The following KIAA1217 variants were observed in gnomAD, a reference collection of about 807,000 sequenced individuals.
KIAA1217 encodes sickle tail protein homolog.
A neutral mutation model predicts 163.9 loss-of-function variants in KIAA1217; 88 were observed. The observed-to-expected ratio is 0.54, with a 90% CI of 0.45 to 0.64. The LOEUF (loss-of-function observed/expected upper bound fraction) is 0.64, where lower values mean the gene tolerates loss of function less well. Among genes scored for constraint, KIAA1217 ranks in the 30% least tolerant of loss-of-function variants. KIAA1217 has a pLI of 0.00. For missense variants in KIAA1217, 2,372 were observed against 2,475.0 expected, an observed-to-expected ratio of 0.96 and a Z score of 0.88; for synonymous variants, 903 against 923.1, an observed-to-expected ratio of 0.98 and a Z score of 0.39.
chr10:24,395,838 C>T (rs1171042578), intron 3 of KIAA1217, among the ~76,000 whole-genome samples: 2 of 151,904 alleles, frequency 1.3e-5, no homozygotes, highest in Non-Finnish European at 2.9e-5. Flanking sequence ...TTACACTTGG[C>T]TATTTTGTTG....
intron 2 of KIAA1217, among the ~76,000 whole-genome samples, chr10:24,323,019 T>C (rs1262150491): frequency 1.3e-5 from 2 of 152,252 alleles, no homozygotes; most frequent in East Asian, 1.9e-4. Flanking sequence ...GCCACACTCG[T>C]AGCTCACTAC....
intron 2 of KIAA1217, among the ~76,000 whole-genome samples, chr10:24,120,037 C>T (rs1280647313): frequency 1.3e-5 from 2 of 152,186 alleles, no homozygotes; most frequent in Admixed American, 6.5e-5. Context: ...CTGTCTGCCT[C>T]GACCTCCAAG....
At chr10:24,404,329 G>A (rs1253945153) in intron 3 of KIAA1217, among the ~76,000 whole-genome samples, 4 of 152,220 alleles carry the variant, frequency 2.6e-5, no homozygotes, top group Admixed American at 1.3e-4. Context: ...AGCACTCTGG[G>A]AGGCCAAGGT....
intron 1 of KIAA1217, among the ~76,000 whole-genome samples, chr10:23,929,082 A>T (rs1452158490): frequency 2.6e-5 from 4 of 152,320 alleles, no homozygotes; most frequent in Middle Eastern, 3.4e-3. Flanking sequence ...TGAGGTGGTT[A>T]TGCAGAGGCC....
At chr10:23,970,191 G>A (rs1280766024) in intron 1 of KIAA1217, among the ~76,000 whole-genome samples, 1 of 152,122 alleles carries the variant, frequency 6.6e-6, no homozygotes, top group Non-Finnish European at 1.5e-5. Flanking sequence ...TTTTGTTCTT[G>A]TATTAGAGGT....
Position 24,544,058 on chromosome 10 carries a change from G to A in KIAA1217, c.4788G>A (p.Gly1596=). 6.2e-7 allele frequency: 1 copy of A among 1,614,144 alleles called. No individual in the cohort carries two copies. The highest frequency in any genetic ancestry group is 1.1e-5 in the South Asian group (1 of 91,064). ...CCATTCGCACCGGAACTAAAACAGG[G>A]AAGAAGACTTTGCAAGTGGTAGTCT... ...TQAIRTGTKT[G]KKTLQVVVYE... The change falls in exon 19 of 21, where the codon GGG becomes GGA. Residue 1596 remains glycine, a synonymous_variant. Coordinates refer to ENST00000376454, the MANE Select transcript of KIAA1217 (RefSeq NM_019590.5).
At chr10:24,271,810 T>C (rs12776859) in intron 2 of KIAA1217, among the ~76,000 whole-genome samples, 2 of 151,938 alleles carry the variant, frequency 1.3e-5, no homozygotes, top group Non-Finnish European at 2.9e-5. Context: ...TTTAATAAAC[T>C]TTCCCCCTGT....
chr10:24,140,006 C>CT (rs796592635), intron 2 of KIAA1217, among the ~76,000 whole-genome samples: 38 of 149,124 alleles, frequency 2.5e-4, no homozygotes, highest in East Asian at 3.9e-4. Flanking sequence ...CCTCAGCATA[C>CT]TTTTTTTTTT....
chr10:24,190,521 C>A (rs2066667355), intron 2 of KIAA1217, among the ~76,000 whole-genome samples: 1 of 152,176 alleles, frequency 6.6e-6, no homozygotes, highest in Admixed American at 6.5e-5. Flanking sequence ...TTCCCGTGGG[C>A]TTTAGAAGTT....
intron 2 of KIAA1217, among the ~76,000 whole-genome samples, chr10:24,376,922 A>T (rs1249512066): frequency 6.6e-6 from 1 of 152,146 alleles, no homozygotes; most frequent in African/African-American, 2.4e-5. Flanking sequence ...GTTACAGGGA[A>T]GGTTAAATTA....
At chr10:24,114,887 C>G (rs2062992018) in intron 2 of KIAA1217, among the ~76,000 whole-genome samples, 1 of 152,186 alleles carries the variant, frequency 6.6e-6, no homozygotes, top group South Asian at 2.1e-4. Flanking sequence ...CATCAGTGTC[C>G]TCTCTGCTTT....
intron 2 of KIAA1217, among the ~76,000 whole-genome samples, chr10:24,272,753 A>G (rs2076894887): frequency 1.3e-5 from 2 of 152,226 alleles, no homozygotes; most frequent in African/African-American, 4.8e-5. Context: ...CGTGCTCTTC[A>G]ATGATCCCTG....
intron 2 of KIAA1217, among the ~76,000 whole-genome samples, chr10:24,125,262 ACT>A (rs1345330441): frequency 3.3e-5 from 5 of 151,564 alleles, no homozygotes; most frequent in Non-Finnish European, 1.5e-5. Flanking sequence ...ACAGAGCAAG[ACT>A]CTGTCAAAAA....
intron 1 of KIAA1217, among the ~76,000 whole-genome samples, chr10:23,858,712 A>G (rs986038104): frequency 6.6e-6 from 1 of 152,078 alleles, no homozygotes; most frequent in Non-Finnish European, 1.5e-5. Flanking sequence ...TGCCACTGAA[A>G]TACTCATTGT....
At chr10:24,117,126 C>A (rs1441959330) in intron 2 of KIAA1217, among the ~76,000 whole-genome samples, 1 of 152,164 alleles carries the variant, frequency 6.6e-6, no homozygotes, top group South Asian at 2.1e-4. Flanking sequence ...CAACCTCCAC[C>A]TCCCAGGTTC....
upstream of KIAA1217, among the ~76,000 whole-genome samples, chr10:24,208,607 G>A (rs1224113634): frequency 6.0e-5 from 2 of 33,106 alleles, no homozygotes; most frequent in Non-Finnish European, 1.2e-4. Flanking sequence ...CAAATTGTTT[G>A]GGATTTTTTT....
At position 23,758,645 on chromosome 10, in the gene KIAA1217, T is replaced by TCTCC. The variant is rs1433693265; in HGVS notation, c.-321+63412_-321+63413insTCCC. 8.1e-4 allele frequency among the ~76,000 whole-genome samples: 108 copies of TCTCC among 132,788 alleles called. 1 individual carries two copies. The highest frequency in any genetic ancestry group is 2.9e-3 in the African/African-American group (100 of 34,238). The allele number at this position is 132,788 out of a possible 152,430, so 87.1% of individuals were successfully genotyped here. A position where few individuals can be genotyped will look rare whatever the true frequency, so the allele number is the denominator to read the frequency against. On this transcript the variant is annotated intron_variant, in intron 1 of 18. Coordinates refer to the KIAA1217 transcript ENST00000376462. The stretch of plus-strand genomic sequence containing the variant: ...CTTACTTTCTCTCTCTCTCTCTCTC[T>TCTCC]CCCCCTCCCTCCCTCCCTCCCCCTT...
At chr10:23,923,399 C>T (rs1842917667) in intron 1 of KIAA1217, among the ~76,000 whole-genome samples, 1 of 152,174 alleles carries the variant, frequency 6.6e-6, no homozygotes, top group Admixed American at 6.6e-5. Flanking sequence ...TGGATAATGG[C>T]CCCTCAAAGA....
At chr10:24,500,219 C>G (rs867281328) in intron 8 of KIAA1217, among the ~76,000 whole-genome samples, 60 of 90,298 alleles carry the variant, frequency 6.6e-4, no homozygotes, top group Middle Eastern at 6.8e-3. Flanking sequence ...GTGTGTGTGT[C>G]TTTATTAGTA....
Sources: allele counts gnomAD v4.1 joint callset (sites outside exome capture counted in the v4.1 genomes callset), GRCh38; gene constraint gnomAD v4.1.1; transcripts MANE v1.5; gene names NCBI Gene and HGNC (gene_info 2026-07-23, HGNC 2026-07-21).